Variants in BRINP3 observed in about 807,000 individuals in gnomAD.
BRINP3 encodes the protein BMP/retinoic acid-inducible neural-specific protein 3.
Under a neutral mutation model 71.0 loss-of-function variants are expected in BRINP3, and 19 were observed. The ratio of observed to expected loss-of-function variants is 0.27; its 90% CI spans 0.19 to 0.39. The LOEUF is 0.39. Ranked by LOEUF, BRINP3 falls within the 10% of genes least tolerant of loss-of-function variation. The pLI, the probability that BRINP3 is intolerant of heterozygous loss-of-function variation, is 1.00. For missense variants in BRINP3, 959 were observed against 940.8 expected, an observed-to-expected ratio of 1.02 and a Z score of -0.25; for synonymous variants, 380 against 337.7, an observed-to-expected ratio of 1.13 and a Z score of -1.37.
At chr1:190,465,597 C>A (rs1324420143) in intron 1 of BRINP3, among the ~76,000 whole-genome samples, 2 of 151,906 alleles carry the variant, frequency 1.3e-5, no homozygotes, top group African/African-American at 2.4e-5. Flanking sequence ...ATCAGTTTAG[C>A]CAGAATCCCC....
intron 2 of BRINP3, among the ~76,000 whole-genome samples, chr1:190,409,506 C>A (rs1672520262): frequency 6.6e-6 from 1 of 152,036 alleles, no homozygotes; most frequent in South Asian, 2.1e-4. Context: ...ACACATCTAA[C>A]AAATTTAAAA....
At chr1:190,417,410 C>T (rs1287237277) in intron 2 of BRINP3, among the ~76,000 whole-genome samples, 1 of 152,018 alleles carries the variant, frequency 6.6e-6, no homozygotes, top group Admixed American at 6.6e-5. Flanking sequence ...TCGATCAATA[C>T]AATATACCTA....
At chr1:190,109,235 T>C in intron 7 of BRINP3, among the ~76,000 whole-genome samples, 1 of 152,204 alleles carries the variant, frequency 6.6e-6, no homozygotes, top group East Asian at 1.9e-4. Flanking sequence ...AACCATGATA[T>C]GAAAAGTTAC....
intron 3 of BRINP3, among the ~76,000 whole-genome samples, chr1:190,272,990 G>T (rs1415614431): frequency 6.7e-6 from 1 of 150,372 alleles, no homozygotes; most frequent in Admixed American, 6.7e-5. Context: ...GAATATTTAA[G>T]AAATTTTGAG....
At chr1:190,232,353 A>G (rs1358509702) in intron 5 of BRINP3, among the ~76,000 whole-genome samples, 2 of 152,084 alleles carry the variant, frequency 1.3e-5, no homozygotes, top group African/African-American at 4.8e-5. Flanking sequence ...TATAAGGTAG[A>G]TGAGGGGTAG....
At chr1:190,104,789 G>A (rs947662219) in intron 7 of BRINP3, among the ~76,000 whole-genome samples, 1 of 151,738 alleles carries the variant, frequency 6.6e-6, no homozygotes, top group Non-Finnish European at 1.5e-5. Flanking sequence ...CAATTACCTC[G>A]TCTCATGGTT....
chr1:190,271,729 C>T (rs944216280), intron 3 of BRINP3, among the ~76,000 whole-genome samples: 6 of 151,362 alleles, frequency 4.0e-5, no homozygotes, highest in Non-Finnish European at 7.4e-5. Context: ...AGATAAATAC[C>T]GCATTTCTAC....
intron 2 of BRINP3, among the ~76,000 whole-genome samples, chr1:190,439,788 C>T (rs1363438303): frequency 6.6e-6 from 1 of 151,754 alleles, no homozygotes; most frequent in Non-Finnish European, 1.5e-5. Flanking sequence ...CTTATAATGT[C>T]AATAATAAAT....
At chr1:190,150,047 T>C (rs891331757) in intron 7 of BRINP3, among the ~76,000 whole-genome samples, 2 of 152,148 alleles carry the variant, frequency 1.3e-5, no homozygotes, top group Non-Finnish European at 2.9e-5. Flanking sequence ...ATGAAGTGCT[T>C]CACATTTTTT....
At chr1:190,369,863 T>G (rs1216305654) in intron 2 of BRINP3, among the ~76,000 whole-genome samples, 2 of 152,084 alleles carry the variant, frequency 1.3e-5, no homozygotes, top group Non-Finnish European at 2.9e-5. Context: ...ATGTTTAAAC[T>G]AATAATTAAT....
chr1:190,463,305 C>T (rs1253351702), intron 1 of BRINP3, among the ~76,000 whole-genome samples: 1 of 151,474 alleles, frequency 6.6e-6, no homozygotes, highest in East Asian at 1.9e-4. Flanking sequence ...TGCAATCATA[C>T]AATTTTAATT....
chr1:190,445,100 C>T (rs1675120393), intron 2 of BRINP3, among the ~76,000 whole-genome samples: 1 of 151,422 alleles, frequency 6.6e-6, no homozygotes, highest in Admixed American at 6.6e-5. Flanking sequence ...AATTATAATT[C>T]CTATTGAAAA....
intron 2 of BRINP3, among the ~76,000 whole-genome samples, chr1:190,337,074 G>A (rs928295289): frequency 2.6e-5 from 4 of 151,952 alleles, no homozygotes; most frequent in Admixed American, 1.3e-4. Flanking sequence ...ATCCAAGTGA[G>A]AAATCAGTCA....
chr1:190,452,870 C>T (rs1052283568), intron 2 of BRINP3, among the ~76,000 whole-genome samples: 1 of 152,112 alleles, frequency 6.6e-6, no homozygotes, highest in Non-Finnish European at 1.5e-5. Flanking sequence ...AAAACATAAA[C>T]AAAAACATGT....
chr1:190,443,322 G>A (rs1483965658), intron 2 of BRINP3, among the ~76,000 whole-genome samples: 4 of 151,032 alleles, frequency 2.6e-5, no homozygotes, highest in Admixed American at 6.6e-5. Context: ...GGAGAATGGC[G>A]TGAACCAGGG....
intron 7 of BRINP3, among the ~76,000 whole-genome samples, chr1:190,121,019 A>T (rs1301514089): frequency 6.6e-6 from 1 of 152,182 alleles, no homozygotes; most frequent in Non-Finnish European, 1.5e-5. Context: ...AACAAGAAAG[A>T]TATCTTTTGG....
chr1:190,327,351 G>GGAAAAAAAAAAAAAAAA (rs1666668662), intron 2 of BRINP3, among the ~76,000 whole-genome samples: 2 of 65,748 alleles, frequency 3.0e-5, no homozygotes, highest in African/African-American at 1.0e-4. Context: ...AAAAAAAAAA[G>GGAAAAAAAAAAAAAAAA]GAAAAAAAAA....
intron 6 of BRINP3, among the ~76,000 whole-genome samples, chr1:190,199,793 AAAAC>A (rs1654837315): frequency 1.3e-5 from 2 of 151,516 alleles, no homozygotes; most frequent in South Asian, 2.1e-4. Context: ...AACAAAAACA[AAAAC>A]AAACAAAAAA....
At chr1:190,242,204 T>G (rs1659166515) in intron 4 of BRINP3, among the ~76,000 whole-genome samples, 1 of 152,074 alleles carries the variant, frequency 6.6e-6, no homozygotes, top group Non-Finnish European at 1.5e-5. Context: ...ATTTTCAAAA[T>G]TGTTTTAGTA....
Sources: allele counts gnomAD v4.1 joint callset (sites outside exome capture counted in the v4.1 genomes callset), GRCh38; gene constraint gnomAD v4.1.1; transcripts MANE v1.5; gene names NCBI Gene and HGNC (gene_info 2026-07-23, HGNC 2026-07-21).